The following CORO7 variants were observed in gnomAD, a reference collection of about 807,000 sequenced individuals.
CORO7 encodes coronin-7.
In CORO7, 107 loss-of-function variants were observed where a neutral mutation model predicts 126.6. The observed-to-expected ratio is 0.85, with a 90% CI of 0.72 to 0.99. The LOEUF is 0.99. Ranked by LOEUF, CORO7 falls within the 50% of genes least tolerant of loss-of-function variation. The pLI is 0.00. For missense variants in CORO7, 1,314 were observed against 1,255.8 expected (o/e 1.05, Z -0.70); for synonymous variants, 603 against 536.8 (o/e 1.12, Z -1.70).
At chr16:4,378,765 C>G (rs907886985) in intron 9 of CORO7, among the ~76,000 whole-genome samples, 7 of 152,092 alleles carry the variant, frequency 4.6e-5, no homozygotes, top group Admixed American at 4.6e-4. Flanking sequence ...ATGGCAAAGG[C>G]AGGCTGGGTC....
At chr16:4,390,470 G>GTA (rs2055348818) in intron 7 of CORO7, among the ~76,000 whole-genome samples, 2 of 152,198 alleles carry the variant, frequency 1.3e-5, no homozygotes, top group South Asian at 4.1e-4. Flanking sequence ...AAGACCTAGC[G>GTA]TCATTCCTGC....
intron 9 of CORO7, chr16:4,382,542 A>T (rs1431455226): frequency 6.3e-7 from 1 of 1,583,610 alleles, no homozygotes; most frequent in African/African-American, 1.4e-5. Context: ...AGGCCCATAC[A>T]CCCCCAGCCG....
In CORO7 at chr16:4,405,499, C is replaced by T. The variant is rs777416273; in HGVS notation, c.556G>A (p.Ala186Thr). ...WSRDGALVGT[A>T]CKDKQLRIFD... ...CCCACCTGCCTGCTCACCTTGCACG[C>T]CGTGCCCACCAGGGCTCCATCTCGG... The change falls in exon 6 of 28, where the codon GCG becomes ACG. Residue 186 changes from alanine (A) to threonine (T), a missense_variant. Coordinates refer to ENST00000251166, the MANE Select transcript of CORO7 (RefSeq NM_024535.5). The T allele has an allele frequency of 1.4e-5, 22 of 1,612,272 alleles. No homozygotes were observed. Among genetic ancestry groups the T allele is most frequent in the Non-Finnish European group, 1.7e-5 (20 of 1,179,832 alleles).
rs2056268798 is a variant in CORO7, at chr16:4,412,978, T to C, written c.157+330A>G. Reference sequence around the variant, plus strand: ...GCTTTTCAAGCCTTTCTGTTCCTACTGTCCCCAGCCATCCAGGGCCCAAAG... The same window carrying C: ...GCTTTTCAAGCCTTTCTGTTCCTACCGTCCCCAGCCATCCAGGGCCCAAAG... On this transcript the variant is annotated intron_variant, in intron 2 of 27. Coordinates refer to ENST00000251166, the MANE Select transcript of CORO7 (RefSeq NM_024535.5). 5 of 295,698 alleles carry C rather than the reference T, an allele frequency of 1.7e-5. No individual in the cohort carries two copies. In the South Asian group the frequency reaches 4.1e-4, roughly 24 times the overall value. The allele number at this position is 295,698 out of a possible 1,614,324, so 18.3% of individuals were successfully genotyped here. A position where few individuals can be genotyped will look rare whatever the true frequency, so the allele number is the denominator to read the frequency against.
chr16:4,382,618 G>A (rs780574655), intron 9 of CORO7: 64 of 1,577,330 alleles, frequency 4.1e-5, no homozygotes, highest in Middle Eastern at 3.3e-4. Flanking sequence ...CATTGCGCCC[G>A]CCCTGGCCGC....
intron 9 of CORO7, among the ~76,000 whole-genome samples, chr16:4,373,340 G>A (rs751107512): frequency 5.3e-5 from 8 of 152,082 alleles, no homozygotes; most frequent in African/African-American, 1.4e-4. Context: ...CCTGGGGGCC[G>A]GGCACTGCCT....
In CORO7 at chr16:4,405,553, C is replaced by T. The variant is rs767926499; in HGVS notation, c.502G>A (p.Gly168Arg). 2 of 1,612,796 alleles carry T rather than the reference C, an allele frequency of 1.2e-6. No individual in the cohort carries two copies. The highest frequency in any genetic ancestry group is 1.7e-6 in the Non-Finnish European group (2 of 1,179,862). The change falls in exon 6 of 28, where the codon GGG (glycine) becomes AGG (arginine). Residue 168 changes from glycine to arginine, a missense_variant. Coordinates refer to ENST00000251166, the MANE Select transcript of CORO7 (RefSeq NM_024535.5). ...CAGACGGCGCTCTGCACCAGGTCCC[C>T]ATGGGCTGCCAGCTCTGCAGAGAAG... ...QQPLTELAAH[G>R]DLVQSAVWSR...
rs1282846004 is a variant in CORO7 at position 4,365,074 on chromosome 16, G to C, written c.841-14C>G. The C allele has an allele frequency of 1.3e-6, 2 of 1,590,530 alleles. No individual in the cohort carries two copies. The highest frequency in any genetic ancestry group is 1.3e-5 in the African/African-American group (1 of 74,420). On this transcript the variant is annotated splice_polypyrimidine_tract_variant and intron_variant, in intron 10 of 27. Transcript: ENST00000251166. Reference sequence around the variant, plus strand: ...CTGCCTCTCGCCCTGAAATGAGTCTGAACTGAGCCCCGTTTGCTGACTGAA... The same window carrying C: ...CTGCCTCTCGCCCTGAAATGAGTCTCAACTGAGCCCCGTTTGCTGACTGAA...
At position 4,366,637 on chromosome 16, in the gene CORO7, G is replaced by C. The variant is rs530949957; in HGVS notation, c.786-1092C>G. 2.0e-5 allele frequency among the ~76,000 whole-genome samples: 3 copies of C among 151,494 alleles called. No individual in the cohort carries two copies. The South Asian group carries it at 6.3e-4, about 32-fold the overall frequency. On this transcript the variant is annotated intron_variant, in intron 9 of 27. Coordinates refer to ENST00000251166, the MANE Select transcript of CORO7 (RefSeq NM_024535.5). ...GCTCACTGCAGCCTCAACCTCCTGGGCTCAAGCAATCTTCCCACTCAGCCT... is the reference window on the plus strand; with the variant it reads ...GCTCACTGCAGCCTCAACCTCCTGGCCTCAAGCAATCTTCCCACTCAGCCT...
At chr16:4,395,258 C>T (rs201992849) in intron 7 of CORO7, 31 bp downstream of exon 7, 1,604 of 1,613,754 alleles carry the variant, frequency 9.9e-4, no homozygotes, top group Non-Finnish European at 1.2e-3. Context: ...GTGGAGGCTT[C>T]AACCCACCCC....
chr16:4,382,882 G>A (rs370311116), intron 9 of CORO7: 12 of 1,543,766 alleles, frequency 7.8e-6, no homozygotes, highest in Admixed American at 2.0e-5. Flanking sequence ...ACCCCTCCAC[G>A]CAAAGCCCTA....
rs528467700 is a variant in CORO7 at position 4,372,646 on chromosome 16, G to C, written c.786-7101C>G. ...TGGGCTGCAAACCCAGTGGCCTGGA[G>C]CCAGCCTAGTCCTTTGTGTCCCTGG... is the stretch of plus-strand genomic sequence containing the variant. On this transcript the variant is annotated intron_variant, in intron 9 of 27. Coordinates refer to ENST00000251166, the MANE Select transcript of CORO7 (RefSeq NM_024535.5). 8.2e-4 allele frequency among the ~76,000 whole-genome samples: 125 copies of C among 152,358 alleles called. 1 individual carries two copies. Among genetic ancestry groups the C allele is most frequent in the Admixed American group, 5.6e-3 (85 of 15,304 alleles).
At chr16:4,373,775 A>C (rs930873425) in intron 9 of CORO7, among the ~76,000 whole-genome samples, 2 of 152,182 alleles carry the variant, frequency 1.3e-5, no homozygotes, top group Non-Finnish European at 2.9e-5. Context: ...ACAAGAAAGC[A>C]GGGCCCTGCT....
rs1176243210 is a variant in CORO7, at chr16:4,361,053, G to A, written c.1807C>T (p.His603Tyr). The change falls in exon 19 of 28, where the codon CAC becomes TAC. Residue 603 changes from histidine (H) to tyrosine (Y), a missense_variant. By Grantham distance (83) the His-to-Tyr change is moderately conservative. Coordinates refer to ENST00000251166, the MANE Select transcript of CORO7 (RefSeq NM_024535.5). ...GCCAGCACATTGGCTGCCAGTGGGT[G>A]GAAGCGCAGGGAGCAGATCTTCTCC... is the stretch of plus-strand genomic sequence containing the variant. ...HTEKICSLRF[H>Y]PLAANVLASS... is the part of the protein sequence containing the mutation. 1.9e-5 allele frequency: 31 copies of A among 1,613,356 alleles called. No homozygotes were observed. Among genetic ancestry groups the A allele is most frequent in the Non-Finnish European group, 2.6e-5 (31 of 1,180,012 alleles).
At chr16:4,366,357 C>T (rs1258055545) in intron 9 of CORO7, among the ~76,000 whole-genome samples, 1 of 149,362 alleles carries the variant, frequency 6.7e-6, no homozygotes, top group Non-Finnish European at 1.5e-5. Context: ...CTGCCTGTCA[C>T]TGGCCGGGCT....
chr16:4,362,683 A>C lies in CORO7; in HGVS notation c.1331T>G (p.Leu444Arg). 6.7e-7 allele frequency: 1 copy of C among 1,490,222 alleles called. No homozygotes were observed. The allele number at this position is 1,490,222 out of a possible 1,614,324, so 92.3% of individuals were successfully genotyped here. Residue 444 changes from leucine (L) to arginine (R), a missense_variant, in exon 15 of 28, where the codon CTG (leucine) becomes CGG (arginine). Coordinates refer to ENST00000251166, the MANE Select transcript of CORO7 (RefSeq NM_024535.5). The surrounding 1 kb of genome is among the most constrained non-coding windows in gnomAD (Gnocchi z 5.3). ...ACTGGTGCTGGAGAGTGAGGGCCCCAGGCTGGAGGGCGTGGAGGGCGAGGT... is the reference window on the plus strand; with the variant it reads ...ACTGGTGCTGGAGAGTGAGGGCCCCCGGCTGGAGGGCGTGGAGGGCGAGGT... ...SLTSPSTPSSLGPSLSSTSGI... is the reference protein window; with the variant it reads ...SLTSPSTPSSRGPSLSSTSGI...
Position 4,388,562 on chromosome 16 carries a change from A to C in CORO7, c.685T>G (p.Ser229Ala), listed in dbSNP as rs2055276379. Residue 229 changes from serine to alanine, a missense_variant, in exon 8 of 28, where the codon TCT becomes GCT. Coordinates refer to ENST00000251166, the MANE Select transcript of CORO7 (RefSeq NM_024535.5). ...AWMGTWEHLV[S>A]TGFNQMRERE... ...CCCCCTACCTGGTTGAATCCAGTAG[A>C]CACAAGGTGCTCCCAGGTGCCCATC... 6.2e-7 allele frequency: 1 copy of C among 1,612,812 alleles called. No individual in the cohort carries two copies. The highest frequency in any genetic ancestry group is 8.5e-7 in the Non-Finnish European group (1 of 1,179,762).
chr16:4,364,802 C>T lies in CORO7; in HGVS notation c.1017G>A (p.Val339=), dbSNP rs2054296100. 1 of 1,611,680 alleles carries T rather than the reference C, an allele frequency of 6.2e-7. No homozygotes were observed. Among genetic ancestry groups the T allele is most frequent in the Non-Finnish European group, 8.5e-7 (1 of 1,179,606 alleles). Residue 339 remains valine, a synonymous_variant, in exon 12 of 28, where the codon GTG becomes GTA. Transcript: ENST00000251166. ...RVLQLSDTAI[V]PIGYHVPRKA... ...TGCGGGGCACATGGTAGCCGATGGG[C>T]ACGATGGCTGTGTCGCTCAGCTGTA...
At chr16:4,389,240 G>A (rs372499620) in intron 7 of CORO7, among the ~76,000 whole-genome samples, 67 of 152,282 alleles carry the variant, frequency 4.4e-4, no homozygotes, top group African/African-American at 1.4e-3. Context: ...TGGCCCTCCC[G>A]AGGTGCTGGA....
Sources: gnomAD v4.1 joint callset for allele counts (sites outside exome capture counted in the v4.1 genomes callset) on GRCh38, gnomAD v4.1.1 for gene constraint, Gnocchi (gnomAD v3.1) non-coding constraint, MANE v1.5 for transcripts, NCBI Gene and HGNC (gene_info 2026-07-23, HGNC 2026-07-21) for gene names.